Variants in ZFP90 observed in about 807,000 individuals in gnomAD.
The protein encoded by ZFP90 is zinc finger protein 90 homolog.
ZFP90 carries 38 observed loss-of-function variants against 60.8 expected under a neutral mutation model. The observed-to-expected ratio is 0.62, with a 90% CI of 0.48 to 0.82. The LOEUF is 0.82. Ranked by LOEUF, ZFP90 falls within the 40% of genes least tolerant of loss-of-function variation. The pLI, the probability that ZFP90 is intolerant of heterozygous loss-of-function variation, is 0.00. For missense variants in ZFP90, 711 were observed against 759.1 expected, an observed-to-expected ratio of 0.94 and a Z score of 0.74; for synonymous variants, 287 against 264.8, an observed-to-expected ratio of 1.08 and a Z score of -0.82.
chr16:68,571,095 G>C (rs74980236), downstream of ZFP90, among the ~76,000 whole-genome samples: 384 of 152,324 alleles, frequency 2.5e-3, 1 homozygote, highest in African/African-American at 8.6e-3. Flanking sequence ...ACCAGGGCTT[G>C]TATCTTGGGG....
intron 2 of ZFP90, among the ~76,000 whole-genome samples, chr16:68,544,420 C>CA (rs1013082324): frequency 1.3e-5 from 2 of 151,882 alleles, no homozygotes; most frequent in African/African-American, 4.8e-5. Flanking sequence ...TCAAAACAAA[C>CA]AAACAAAAAA....
At chr16:68,570,409 C>T (rs556428267), downstream of ZFP90, among the ~76,000 whole-genome samples, 1 of 152,374 alleles carries the variant, frequency 6.6e-6, no homozygotes, top group East Asian at 1.9e-4. Context: ...CTAGGCAGTG[C>T]ACCCCAAGTG....
chr16:68,568,095 A>G (rs891335579), downstream of ZFP90, among the ~76,000 whole-genome samples: 2 of 152,208 alleles, frequency 1.3e-5, no homozygotes, highest in Admixed American at 1.3e-4. Context: ...AATGTCCTCC[A>G]TGTTACCACA....
chr16:68,554,716 C>T (rs1241188472), intron 2 of ZFP90, among the ~76,000 whole-genome samples: 1 of 152,056 alleles, frequency 6.6e-6, no homozygotes, highest in African/African-American at 2.4e-5. Flanking sequence ...CTTTAGGAGG[C>T]CGAGGTGGGA....
At chr16:68,536,905 C>A (rs1465326618), upstream of ZFP90, among the ~76,000 whole-genome samples, 5 of 152,156 alleles carry the variant, frequency 3.3e-5, no homozygotes, top group African/African-American at 1.2e-4. Context: ...AAAATCCACA[C>A]CCCTCATCAC....
chr16:68,563,688 G>A lies in ZFP90; in HGVS notation c.901G>A (p.Glu301Lys), dbSNP rs757334129. 4 of 1,614,130 alleles carry A rather than the reference G, an allele frequency of 2.5e-6. No individual in the cohort carries two copies. The highest frequency in any genetic ancestry group is 3.4e-6 in the Non-Finnish European group (4 of 1,180,022). Reference sequence around the variant, plus strand: ...GCATAGCTCATCTCTTGGTCAGCATGAGAATGCTCATACCGGAGAGAAACC... The same window carrying A: ...GCATAGCTCATCTCTTGGTCAGCATAAGAATGCTCATACCGGAGAGAAACC... Reference protein sequence around the residue: ...FRHSSSLGQHENAHTGEKPYQ... With the variant: ...FRHSSSLGQHKNAHTGEKPYQ... The change falls in exon 5 of 5, where the codon GAG becomes AAG. Residue 301 changes from glutamate to lysine, a missense_variant. By Grantham distance (56) the Glu-to-Lys change is moderately conservative. Around this residue, in one of 5 missense-constraint regions of ZFP90, gnomAD observed 146 missense variants for 201.4 expected, o/e 0.73. Transcript: ENST00000563169.
At chr16:68,559,337 C>T (rs1006359149) in intron 4 of ZFP90, among the ~76,000 whole-genome samples, 1 of 152,028 alleles carries the variant, frequency 6.6e-6, no homozygotes, top group African/African-American at 2.4e-5. Flanking sequence ...AATCTAAATC[C>T]GTCACCTTTC....
chr16:68,554,168 C>A (rs909908703), intron 2 of ZFP90, among the ~76,000 whole-genome samples: 1 of 149,702 alleles, frequency 6.7e-6, no homozygotes, highest in South Asian at 2.1e-4. Flanking sequence ...GTTGCCCCGG[C>A]TGGAGTGCAG....
In ZFP90 at chr16:68,563,670, T is replaced by G; in HGVS notation, c.883T>G (p.Ser295Ala). ...ATGTGGAAAGGCCTTCAGGCATAGC[T>G]CATCTCTTGGTCAGCATGAGAATGC... is the stretch of plus-strand genomic sequence containing the variant. ...NVCGKAFRHS[S>A]SLGQHENAHT... Residue 295 changes from serine (S) to alanine (A), a missense_variant, in exon 5 of 5, where the codon TCA (serine) becomes GCA (alanine). Coordinates refer to ENST00000563169, the MANE Select transcript of ZFP90 (RefSeq NM_001305203.2). The G allele has an allele frequency of 6.2e-7, 1 of 1,613,960 alleles. No homozygotes were observed. Among genetic ancestry groups the G allele is most frequent in the South Asian group, 1.1e-5 (1 of 91,056 alleles).
intron 2 of ZFP90, among the ~76,000 whole-genome samples, chr16:68,545,299 G>T (rs1002149362): frequency 6.6e-6 from 1 of 151,926 alleles, no homozygotes; most frequent in South Asian, 2.1e-4. Flanking sequence ...TCAACCCCTT[G>T]CCCAGACTAA....
chr16:68,570,051 C>CAT (rs2091559588), downstream of ZFP90, among the ~76,000 whole-genome samples: 1 of 150,152 alleles, frequency 6.7e-6, no homozygotes, highest in African/African-American at 2.5e-5. Flanking sequence ...TGTGTGTATA[C>CAT]GTGTGTGTGT....
downstream of ZFP90, among the ~76,000 whole-genome samples, chr16:68,568,320 A>C (rs2091549555): frequency 6.6e-6 from 1 of 152,236 alleles, no homozygotes; most frequent in South Asian, 2.1e-4. Context: ...GTAAATGAAA[A>C]GATGCTCAAT....
upstream of ZFP90, among the ~76,000 whole-genome samples, chr16:68,537,004 C>T (rs552035300): frequency 1.3e-5 from 2 of 152,316 alleles, no homozygotes; most frequent in African/African-American, 2.4e-5. Context: ...TGCTAAGGTA[C>T]ATTAGGCATC....
chr16:68,551,478 G>A (rs2091261154), intron 2 of ZFP90, among the ~76,000 whole-genome samples: 1 of 146,556 alleles, frequency 6.8e-6, no homozygotes, highest in Non-Finnish European at 1.5e-5. Context: ...CTGGAGTGCA[G>A]TAGCACAGTC....
At chr16:68,555,081 T>TA (rs1220212282) in intron 2 of ZFP90, 2 of 152,278 alleles carry the variant, frequency 1.3e-5, no homozygotes, top group African/African-American at 4.8e-5. Flanking sequence ...AGGTGGCACT[T>TA]ACCTCTTAGG....
At chr16:68,552,007 G>A (rs543187508) in intron 2 of ZFP90, among the ~76,000 whole-genome samples, 25 of 152,044 alleles carry the variant, frequency 1.6e-4, no homozygotes, top group African/African-American at 5.8e-4. Flanking sequence ...TGATCCACCC[G>A]CCTTGGCCTC....
chr16:68,551,700 T>C (rs529371778), intron 2 of ZFP90, among the ~76,000 whole-genome samples: 1 of 152,012 alleles, frequency 6.6e-6, no homozygotes, highest in East Asian at 1.9e-4. Flanking sequence ...CATGAGCCAC[T>C]GCACCTGTCT....
rs1040768193 is a variant in ZFP90, at chr16:68,539,740, C to T, written c.-35-18C>T. On this transcript the variant is annotated intron_variant, in intron 1 of 4. Transcript: ENST00000563169. Reference sequence around the variant, plus strand: ...CGGTGTTGCAGCGGGGTGAGTGGGCCCTGTCCTTTCTCCCCAGCTCCTGCC... The same window carrying T: ...CGGTGTTGCAGCGGGGTGAGTGGGCTCTGTCCTTTCTCCCCAGCTCCTGCC... The T allele has an allele frequency of 3.7e-5, 57 of 1,536,550 alleles. 3 individuals are homozygous for T. The Admixed American group carries it at 1.1e-3, about 29-fold the overall frequency.
In ZFP90 at chr16:68,565,789, C is replaced by G; in HGVS notation, c.*1091C>G. On this transcript the variant is annotated 3_prime_UTR_variant, in exon 5 of 5. Coordinates refer to ENST00000563169, the MANE Select transcript of ZFP90 (RefSeq NM_001305203.2). Reference sequence around the variant, plus strand: ...GCCTTGTACTCAGAGAAGCAACATGCACTGGCTCATTTTATGTGCAAAGAA... The same window carrying G: ...GCCTTGTACTCAGAGAAGCAACATGGACTGGCTCATTTTATGTGCAAAGAA... The G allele has an allele frequency of 1.0e-6, 1 of 985,406 alleles. No homozygotes were observed. The highest frequency in any genetic ancestry group is 1.2e-6 in the Non-Finnish European group (1 of 829,916). 61.0% of individuals were successfully genotyped at this position (985,406 alleles called of 1,614,324 possible). A position where few individuals can be genotyped will look rare whatever the true frequency, so the allele number is the denominator to read the frequency against.
Sources: gnomAD v4.1 joint callset for allele counts (sites outside exome capture counted in the v4.1 genomes callset) on GRCh38, gnomAD v4.1.1 for gene constraint, gnomAD v4.1.1 regional missense constraint, MANE v1.5 for transcripts, NCBI Gene and HGNC (gene_info 2026-07-23, HGNC 2026-07-21) for gene names.